SYNE2: variants seen among roughly 807,000 people sequenced by gnomAD.
SYNE2 encodes the protein spectrin repeat containing nuclear envelope protein 2.
A neutral mutation model predicts 856.3 loss-of-function variants in SYNE2; 431 were observed. The observed-to-expected ratio is 0.50, with a 90% CI of 0.47 to 0.55. The LOEUF is 0.55. Among genes scored for constraint, SYNE2 ranks in the 20% least tolerant of loss-of-function variants. The pLI is 0.00. For synonymous variants in SYNE2, 2,923 were observed against 2,872.3 expected (o/e 1.02, Z -0.56); for missense variants, 8,129 against 8,023.2 (o/e 1.01, Z -0.50).
At chr14:64,002,129 T>C (rs770377230) in intron 29 of SYNE2, 48 bp downstream of exon 29, 1 of 1,423,584 alleles carries the variant, frequency 7.0e-7, no homozygotes, top group African/African-American at 1.4e-5. Context: ...ATCGAGTCTT[T>C]TGAGATTTAT....
intron 49 of SYNE2, 127 bp downstream of exon 49, chr14:64,056,393 A>T: frequency 1.3e-6 from 1 of 755,166 alleles, no homozygotes; most frequent in Non-Finnish European, 2.0e-6. Context: ...ACACCTATGC[A>T]TTAGAGATAA....
At chr14:64,182,023 T>C (rs2098460419) in intron 96 of SYNE2, among the ~76,000 whole-genome samples, 1 of 152,156 alleles carries the variant, frequency 6.6e-6, no homozygotes. Context: ...AAAGATAGAG[T>C]ATGCATATGC....
chr14:64,183,081 G>GGGCGGCTGCCGGGCGGA (rs2098467949), intron 96 of SYNE2, among the ~76,000 whole-genome samples: 4 of 147,836 alleles, frequency 2.7e-5, no homozygotes, highest in Admixed American at 2.0e-4. Flanking sequence ...TTCCCGGACG[G>GGGCGGCTGCCGGGCGGA]GGCGGCTGCC....
chr14:64,081,696 C>A, intron 57 of SYNE2, 116 bp downstream of exon 57: 1 of 1,195,252 alleles, frequency 8.4e-7, no homozygotes, highest in South Asian at 1.3e-5. Context: ...TACCGCTAAC[C>A]ATGTCAGTGG....
intron 64 of SYNE2, among the ~76,000 whole-genome samples, chr14:64,103,607 T>C (rs981839207): frequency 6.6e-6 from 1 of 152,154 alleles, no homozygotes; most frequent in African/African-American, 2.4e-5. Context: ...AGGCCAACTC[T>C]TTCCTTAATC....
At chr14:63,962,069 A>ATTTTTTTTTTTTTTTTTTTTTTTTT (rs1257375449) in intron 9 of SYNE2, among the ~76,000 whole-genome samples, 1 of 150,984 alleles carries the variant, frequency 6.6e-6, no homozygotes, top group Non-Finnish European at 1.5e-5. Context: ...TTATTTATTT[A>ATTTTTTTTTTTTTTTTTTTTTTTTT]TTTTTGAGAT....
At chr14:63,875,661 A>G (rs902806413) in intron 1 of SYNE2, among the ~76,000 whole-genome samples, 6 of 152,182 alleles carry the variant, frequency 3.9e-5, no homozygotes, top group Non-Finnish European at 4.4e-5. Context: ...AAAAAAAATG[A>G]AGTGAGTAAC....
At chr14:63,907,746 G>A (rs1329734304) in intron 1 of SYNE2, among the ~76,000 whole-genome samples, 2 of 152,070 alleles carry the variant, frequency 1.3e-5, no homozygotes, top group Non-Finnish European at 2.9e-5. Flanking sequence ...TCAGTATATC[G>A]CAAAGCTGAG....
chr14:64,038,132 G>C (rs1322735286), intron 45 of SYNE2, among the ~76,000 whole-genome samples: 30 of 152,164 alleles, frequency 2.0e-4, no homozygotes, highest in African/African-American at 6.5e-4. Context: ...CGGGGTCCCG[G>C]CCGGGCAGAG....
At chr14:64,070,547 C>A in intron 51 of SYNE2, 98 bp from the exon 52 acceptor site, 1 of 1,007,198 alleles carries the variant, frequency 9.9e-7, no homozygotes, top group Non-Finnish European at 1.5e-6. Context: ...CACTAGGAAC[C>A]CTTTGAAGAG....
intron 84 of SYNE2, among the ~76,000 whole-genome samples, chr14:64,150,520 A>G (rs1478205950): frequency 6.6e-6 from 1 of 151,418 alleles, no homozygotes; most frequent in Non-Finnish European, 1.5e-5. Flanking sequence ...TGTGCCCGGC[A>G]TGGCTGTTGT....
intron 68 of SYNE2, among the ~76,000 whole-genome samples, chr14:64,121,373 AT>A (rs1259454166): frequency 6.6e-6 from 1 of 151,996 alleles, no homozygotes; most frequent in Non-Finnish European, 1.5e-5. Flanking sequence ...ATACAAAAAA[AT>A]GAGCCAGGCA....
intron 61 of SYNE2, among the ~76,000 whole-genome samples, chr14:64,096,595 C>T (rs1595490214): frequency 6.6e-6 from 1 of 152,164 alleles, no homozygotes; most frequent in East Asian, 1.9e-4. Context: ...GCAGCCAACT[C>T]AGATTTAAGT....
intron 92 of SYNE2, among the ~76,000 whole-genome samples, chr14:64,168,548 T>C (rs1386028551): frequency 6.6e-6 from 1 of 152,190 alleles, no homozygotes; most frequent in Non-Finnish European, 1.5e-5. Flanking sequence ...CTTAGATTCC[T>C]CCTCTTCAAA....
chr14:63,976,705 A>C lies in SYNE2; in HGVS notation c.1271A>C (p.Gln424Pro), dbSNP rs1203917910. 3.1e-6 allele frequency: 5 copies of C among 1,614,000 alleles called. No individual in the cohort carries two copies. The highest frequency in any genetic ancestry group is 3.4e-6 in the Non-Finnish European group (4 of 1,179,962). Residue 424 changes from glutamine to proline, a missense_variant, in exon 12 of 116, where the codon CAA (glutamine) becomes CCA (proline). Physicochemically the swap from Gln to Pro is moderately conservative, Grantham distance 76. Around this residue, in one of 3 missense-constraint regions of SYNE2, gnomAD observed 2,422 missense variants for 2,357.4 expected, o/e 1.03. Transcript: ENST00000555002. ...QDHSQAVTLI[Q>P]EKMTLFKSLM... ...CACTCTCAAGCCGTGACTCTGATAC[A>C]AGAGAAAATGACTTTATTCAAGGTT...
chr14:64,146,813 C>T (rs1327190869), intron 84 of SYNE2, among the ~76,000 whole-genome samples: 5 of 152,222 alleles, frequency 3.3e-5, no homozygotes, highest in South Asian at 2.1e-4. Context: ...CCTCTGCCAT[C>T]GCCATCACGG....
rs2098579413 is a variant in SYNE2 at position 64,202,662 on chromosome 14, A to G, written c.18039-139A>G. 3 of 1,114,702 alleles carry G rather than the reference A, an allele frequency of 2.7e-6. No homozygotes were observed. In the Admixed American group the frequency reaches 6.8e-5, roughly 25 times the overall value. 69.1% of individuals were successfully genotyped at this position (1,114,702 alleles called of 1,614,324 possible). The stretch of plus-strand genomic sequence containing the variant: ...CTGGTGACATGAGAGTTGTTCTGAT[A>G]TAAAATCAAAGCAAAATAGATTCTT... On this transcript the variant is annotated intron_variant, in intron 99 of 115. Coordinates refer to ENST00000555002, the MANE Select transcript of SYNE2 (RefSeq NM_182914.3).
chr14:63,831,366 T>C (rs1009580894), intron 1 of SYNE2, among the ~76,000 whole-genome samples: 2 of 152,078 alleles, frequency 1.3e-5, no homozygotes, highest in African/African-American at 4.8e-5. Flanking sequence ...TTTTTTACTT[T>C]CCAGTATCTA....
chr14:64,102,049 C>G lies in SYNE2; in HGVS notation c.12492+7C>G, dbSNP rs761865313. 1.9e-6 allele frequency: 3 copies of G among 1,597,708 alleles called. No individual in the cohort carries two copies. The highest frequency in any genetic ancestry group is 3.3e-5 in the Admixed American group (2 of 60,006). ...CTCTGGAACAATTGTTCAGGTAATG[C>G]TGGGCGTATCAGCCACGCTTAGGGG... On this transcript the variant is annotated splice_region_variant and intron_variant, in intron 64 of 115. Transcript: ENST00000555002.
Sources: allele counts gnomAD v4.1 joint callset (sites outside exome capture counted in the v4.1 genomes callset), GRCh38; gene constraint gnomAD v4.1.1; regional missense constraint gnomAD v4.1.1; transcripts MANE v1.5; gene names NCBI Gene and HGNC (gene_info 2026-07-23, HGNC 2026-07-21).